The following COL23A1 variants were observed in gnomAD, a reference collection of about 807,000 sequenced individuals.
COL23A1 encodes the protein collagen type XXIII alpha 1 chain, also known as collagen alpha-1(XXIII) chain.
COL23A1 carries 97 observed loss-of-function variants against 99.3 expected under a neutral mutation model. The observed-to-expected ratio is 0.98, with a 90% CI of 0.83 to 1.16. The LOEUF is 1.16. Ranked by LOEUF, COL23A1 falls within the 50% of genes most tolerant of loss-of-function variation. The probability of loss-of-function intolerance (pLI) is 0.00; values close to 1 mark genes in which losing one functional copy is unlikely to be tolerated. For missense variants in COL23A1, 762 were observed against 757.4 expected, an observed-to-expected ratio of 1.01 and a Z score of -0.07; for synonymous variants, 320 against 308.2, an observed-to-expected ratio of 1.04 and a Z score of -0.40.
chr5:178,409,489 A>AGTGTGTGTGTGTGT (rs34824661), intron 2 of COL23A1, among the ~76,000 whole-genome samples: 3 of 151,298 alleles, frequency 2.0e-5, no homozygotes, highest in African/African-American at 7.3e-5. Flanking sequence ...TATTTACACT[A>AGTGTGTGTGTGTGT]GTGTGTGTGT....
rs181057451 is a variant in COL23A1 at position 178,275,191 on chromosome 5, A to G, written c.442-4828T>C. Among the ~76,000 whole-genome samples, 123 of 152,318 alleles carry G rather than the reference A, an allele frequency of 8.1e-4. 1 individual carries two copies. The Middle Eastern group carries it at 0.01, about 13-fold the overall frequency. ...GGTCATGCCATTCTCCTCTCAAACAACAAGTTCAAATTGGGTCCCAGGTCA... is the reference window on the plus strand; with the variant it reads ...GGTCATGCCATTCTCCTCTCAAACAGCAAGTTCAAATTGGGTCCCAGGTCA... On this transcript the variant is annotated intron_variant, in intron 5 of 28. Transcript: ENST00000390654.
In COL23A1 at chr5:178,378,911, G is replaced by A. The variant is rs1231458539; in HGVS notation, c.362-71992C>T. On this transcript the variant is annotated intron_variant, in intron 2 of 28. Coordinates refer to ENST00000390654, the MANE Select transcript of COL23A1 (RefSeq NM_173465.4). ...AGAGACCCCATCCTTCTCTTATTTGGAATCCCAAAAGCTCTAAGAGCCAAG... is the reference window on the plus strand; with the variant it reads ...AGAGACCCCATCCTTCTCTTATTTGAAATCCCAAAAGCTCTAAGAGCCAAG... Among the ~76,000 whole-genome samples the A allele has an allele frequency of 3.3e-5, 5 of 152,126 alleles. No individual in the cohort carries two copies. The East Asian group carries it at 7.7e-4, about 23-fold the overall frequency.
At chr5:178,423,245 AAAGCACTGGAGTTACAGGGATG>A (rs1242526857) in intron 2 of COL23A1, among the ~76,000 whole-genome samples, 2 of 152,078 alleles carry the variant, frequency 1.3e-5, no homozygotes, top group Non-Finnish European at 2.9e-5. Context: ...TCAGCCTCCC[AAAGCACTGGAGTTACAGGGATG>A]AAGCACTGGG....
rs1761567109 is a variant in COL23A1 at position 178,355,166 on chromosome 5, G to C, written c.362-48247C>G. Among the ~76,000 whole-genome samples, 3 of 152,154 alleles carry C rather than the reference G, an allele frequency of 2.0e-5. No homozygotes were observed. In the South Asian group the frequency reaches 6.2e-4, roughly 31 times the overall value. ...CTAGAGATGACTTAAAGCATATGGA[G>C]GATGTGTATTGGTTATATGCAAATA... On this transcript the variant is annotated intron_variant, in intron 2 of 28. Transcript: ENST00000390654.
At chr5:178,351,279 C>T (rs1761310131) in intron 2 of COL23A1, 2 of 152,488 alleles carry the variant, frequency 1.3e-5, no homozygotes, top group African/African-American at 4.8e-5. Context: ...GGAGAGCAGG[C>T]TCAGCCTCCC....
intron 2 of COL23A1, among the ~76,000 whole-genome samples, chr5:178,532,070 C>T (rs980166222): frequency 4.6e-5 from 7 of 152,194 alleles, no homozygotes; most frequent in African/African-American, 1.7e-4. Context: ...CTGGGGTGTG[C>T]CATCTGCCGA....
chr5:178,496,494 T>A (rs1308621470), intron 2 of COL23A1, among the ~76,000 whole-genome samples: 2 of 152,236 alleles, frequency 1.3e-5, no homozygotes, highest in African/African-American at 4.8e-5. Flanking sequence ...TGCATAAATA[T>A]TTCAGATTAA....
intron 2 of COL23A1, among the ~76,000 whole-genome samples, chr5:178,368,105 G>C (rs1762589834): frequency 1.3e-5 from 2 of 152,168 alleles, no homozygotes; most frequent in Non-Finnish European, 2.9e-5. Flanking sequence ...GCGTCGAAAG[G>C]GCAGGCAAGA....
At chr5:178,478,162 A>G (rs1757132737) in intron 2 of COL23A1, among the ~76,000 whole-genome samples, 1 of 152,202 alleles carries the variant, frequency 6.6e-6, no homozygotes. Flanking sequence ...ACCTCACTGG[A>G]GCATTAAAGA....
intron 2 of COL23A1, among the ~76,000 whole-genome samples, chr5:178,448,469 T>C (rs1437055735): frequency 6.6e-6 from 1 of 152,176 alleles, no homozygotes; most frequent in Non-Finnish European, 1.5e-5. Flanking sequence ...CATAACAGAA[T>C]ACCCGAGACT....
At chr5:178,460,322 A>G (rs1756046839) in intron 2 of COL23A1, among the ~76,000 whole-genome samples, 1 of 152,262 alleles carries the variant, frequency 6.6e-6, no homozygotes, top group African/African-American at 2.4e-5. Flanking sequence ...ACCACAAAGA[A>G]AAAAGCCCTT....
At chr5:178,491,757 G>C (rs776154) in intron 2 of COL23A1, among the ~76,000 whole-genome samples, 4,201 of 151,978 alleles carry the variant, frequency 0.028, 187 homozygotes, top group African/African-American at 0.095. Flanking sequence ...TATTTTGAGA[G>C]AGAGTCTCAC....
intron 3 of COL23A1, among the ~76,000 whole-genome samples, chr5:178,293,762 G>A (rs57655833): frequency 0.061 from 9,343 of 151,954 alleles, 370 homozygotes; most frequent in East Asian, 0.11. Context: ...TCTGAAGGCT[G>A]GAGATGGAAG....
chr5:178,466,247 G>A (rs7706759), intron 2 of COL23A1, among the ~76,000 whole-genome samples: 115,759 of 152,080 alleles, frequency 0.76, 46,111 homozygotes, highest in Non-Finnish European at 0.89. Flanking sequence ...GACAGGACCT[G>A]TGGGGGTGGT....
intron 2 of COL23A1, among the ~76,000 whole-genome samples, chr5:178,529,479 G>T (rs1176610480): frequency 6.6e-6 from 1 of 152,190 alleles, no homozygotes; most frequent in Admixed American, 6.5e-5. Context: ...TCTCCCTTCA[G>T]TCCTGGCACC....
chr5:178,512,748 C>T (rs1464529732), intron 2 of COL23A1, among the ~76,000 whole-genome samples: 1 of 152,180 alleles, frequency 6.6e-6, no homozygotes, highest in African/African-American at 2.4e-5. Flanking sequence ...TCTCACGCCC[C>T]CTTCCACGCA....
At chr5:178,311,269 C>T (rs1758654037) in intron 2 of COL23A1, among the ~76,000 whole-genome samples, 1 of 152,036 alleles carries the variant, frequency 6.6e-6, no homozygotes, top group Non-Finnish European at 1.5e-5. Context: ...TACTCAACCT[C>T]ATTGAACCTT....
intron 17 of COL23A1, 131 bp downstream of exon 17, chr5:178,252,413 T>C (rs1344025514): frequency 4.0e-6 from 3 of 751,910 alleles, no homozygotes; most frequent in South Asian, 2.1e-5. Flanking sequence ...CCAGGCCCGT[T>C]CTCTGAGCTC....
rs111865644 is a variant in COL23A1 at position 178,365,439 on chromosome 5, C to A, written c.362-58520G>T. On this transcript the variant is annotated intron_variant, in intron 2 of 28. Transcript: ENST00000390654. The surrounding 1 kb of genome is among the most constrained non-coding windows in gnomAD (Gnocchi z 5.2). ...GGACACTCACGCATTTCAGGTCTGACGGGTACCCGCCACCCAATCCCTCTT... is the reference window on the plus strand; with the variant it reads ...GGACACTCACGCATTTCAGGTCTGAAGGGTACCCGCCACCCAATCCCTCTT... Among the ~76,000 whole-genome samples, 1 of 152,004 alleles carries A rather than the reference C, an allele frequency of 6.6e-6. No homozygotes were observed. Among genetic ancestry groups the A allele is most frequent in the Non-Finnish European group, 1.5e-5 (1 of 67,992 alleles).
Sources: allele counts gnomAD v4.1 joint callset (sites outside exome capture counted in the v4.1 genomes callset), GRCh38; gene constraint gnomAD v4.1.1; non-coding constraint Gnocchi (gnomAD v3.1); transcripts MANE v1.5; gene names NCBI Gene and HGNC (gene_info 2026-07-23, HGNC 2026-07-21).